The following CCR3 variants were observed in gnomAD, a reference collection of about 807,000 sequenced individuals.
The protein encoded by CCR3 is C-C motif chemokine receptor 3.
For synonymous variants in CCR3, 203 were observed against 179.2 expected (o/e 1.13, Z -1.06); for missense variants, 419 against 437.5 (o/e 0.96, Z 0.38).
At chr3:46,215,893 C>T (rs549130758) in intron 2 of CCR3, among the ~76,000 whole-genome samples, 259 of 152,308 alleles carry the variant, frequency 1.7e-3, no homozygotes, top group Non-Finnish European at 2.9e-3. Context: ...TAGGCTGCCC[C>T]TATAGATGGC....
chr3:46,254,391 A>G (rs1357002747), intron 1 of CCR3, among the ~76,000 whole-genome samples: 2 of 152,206 alleles, frequency 1.3e-5, no homozygotes, highest in African/African-American at 2.4e-5. Flanking sequence ...GGAGACATAG[A>G]TCTGAAAGTG....
intron 1 of CCR3, among the ~76,000 whole-genome samples, chr3:46,260,732 CACA>C (rs1700510010): frequency 6.6e-6 from 1 of 152,194 alleles, no homozygotes; most frequent in Middle Eastern, 3.2e-3. Context: ...TCTTGATAAA[CACA>C]ACATGAGGCA....
At chr3:46,249,929 G>C (rs1700273575) in intron 1 of CCR3, among the ~76,000 whole-genome samples, 1 of 152,074 alleles carries the variant, frequency 6.6e-6, no homozygotes, top group Non-Finnish European at 1.5e-5. Context: ...TCCTGTTGTG[G>C]GGTGTGAGGG....
At chr3:46,255,762 T>C (rs1700409685) in intron 1 of CCR3, among the ~76,000 whole-genome samples, 1 of 152,224 alleles carries the variant, frequency 6.6e-6, no homozygotes, top group East Asian at 1.9e-4. Context: ...TATATGCCTG[T>C]TCTTATTCCA....
intron 2 of CCR3, among the ~76,000 whole-genome samples, chr3:46,221,867 G>T (rs931053989): frequency 1.3e-5 from 2 of 152,128 alleles, no homozygotes; most frequent in African/African-American, 4.8e-5. Flanking sequence ...CCATGAAGGA[G>T]TGTGTCTGGG....
intron 2 of CCR3, among the ~76,000 whole-genome samples, chr3:46,223,334 T>A (rs1344022053): frequency 6.6e-6 from 1 of 151,706 alleles, no homozygotes; most frequent in African/African-American, 2.4e-5. Context: ...AGCAAGACTC[T>A]GTCTTGAAAA....
intron 1 of CCR3, chr3:46,263,379 A>AT (rs1350920000): frequency 1.9e-5 from 3 of 155,454 alleles, no homozygotes; most frequent in Non-Finnish European, 2.9e-5. Flanking sequence ...CAAAATGTGT[A>AT]TTTTTTTTCT....
chr3:46,223,376 G>A (rs1269558114), intron 2 of CCR3, among the ~76,000 whole-genome samples: 1 of 152,172 alleles, frequency 6.6e-6, no homozygotes, highest in African/African-American at 2.4e-5. Context: ...TCTCTTTTGA[G>A]TCTGGGCTTA....
intron 1 of CCR3, among the ~76,000 whole-genome samples, chr3:46,256,292 G>A (rs897666110): frequency 2.0e-5 from 3 of 152,090 alleles, no homozygotes; most frequent in Non-Finnish European, 4.4e-5. Flanking sequence ...GGGAAATCAG[G>A]ATGACTTCAG....
intron 1 of CCR3, among the ~76,000 whole-genome samples, chr3:46,252,900 G>A (rs368170566): frequency 1.3e-5 from 2 of 151,942 alleles, no homozygotes; most frequent in East Asian, 1.9e-4. Flanking sequence ...TAGGTTGGAG[G>A]GTTACATGAC....
At chr3:46,253,797 G>C (rs1700364265) in intron 1 of CCR3, among the ~76,000 whole-genome samples, 1 of 152,034 alleles carries the variant, frequency 6.6e-6, no homozygotes, top group African/African-American at 2.4e-5. Context: ...GCCCAGTGTG[G>C]GTAATCTAAA....
intron 1 of CCR3, among the ~76,000 whole-genome samples, chr3:46,242,837 T>A (rs550027744): frequency 1.3e-5 from 2 of 151,890 alleles, no homozygotes; most frequent in East Asian, 3.9e-4. Flanking sequence ...CATGTTACCC[T>A]CCTATACTTT....
At chr3:46,257,905 G>A (rs547260107) in intron 1 of CCR3, among the ~76,000 whole-genome samples, 1 of 152,322 alleles carries the variant, frequency 6.6e-6, no homozygotes, top group Non-Finnish European at 1.5e-5. Flanking sequence ...CCACTGAGTT[G>A]GGGGAGGTGG....
At chr3:46,224,686 G>A (rs1387268555) in intron 2 of CCR3, among the ~76,000 whole-genome samples, 8 of 140,646 alleles carry the variant, frequency 5.7e-5, no homozygotes, top group Non-Finnish European at 1.2e-4. Flanking sequence ...GCAGTGAGCC[G>A]AGATCATGCC....
intron 2 of CCR3, among the ~76,000 whole-genome samples, chr3:46,212,911 CT>C (rs1213673274): frequency 6.6e-6 from 1 of 152,108 alleles, no homozygotes; most frequent in Non-Finnish European, 1.5e-5. Flanking sequence ...TTTTAAACTT[CT>C]TAGGGGGGTA....
chr3:46,265,262 A>C lies in CCR3; in HGVS notation c.104A>C (p.Gln35Pro), dbSNP rs755740755. The change falls in exon 2 of 2, where the codon CAG (glutamine) becomes CCG (proline). Residue 35 changes from glutamine (Q) to proline (P), a missense_variant. By Grantham distance (76) the Gln-to-Pro change is moderately conservative (BLOSUM62 -1). Coordinates refer to ENST00000395940, the MANE Select transcript of CCR3 (RefSeq NM_178329.3). ...GCTGATACCAGAGCACTGATGGCCC[A>C]GTTTGTGCCCCCGCTGTACTCCCTG... Reference protein sequence around the residue: ...EKADTRALMAQFVPPLYSLVF... With the variant: ...EKADTRALMAPFVPPLYSLVF... 1 of 1,614,034 alleles carries C rather than the reference A, an allele frequency of 6.2e-7. No homozygotes were observed. Among genetic ancestry groups the C allele is most frequent in the Non-Finnish European group, 8.5e-7 (1 of 1,179,984 alleles).
intron 2 of CCR3, among the ~76,000 whole-genome samples, chr3:46,236,101 G>A (rs1229116939): frequency 1.3e-5 from 2 of 152,142 alleles, no homozygotes; most frequent in East Asian, 3.9e-4. Context: ...GACTGACTTG[G>A]GGAGTGGCTT....
intron 1 of CCR3, chr3:46,264,888 C>T: frequency 2.1e-6 from 1 of 470,582 alleles, no homozygotes; most frequent in Non-Finnish European, 3.7e-6. Flanking sequence ...AATCTGTATC[C>T]CCATTCTTCA....
upstream of CCR3, among the ~76,000 whole-genome samples, chr3:46,241,166 G>GCACTCTCTCTCT (rs111455051): frequency 6.7e-6 from 1 of 149,208 alleles, no homozygotes; most frequent in Admixed American, 6.7e-5. Flanking sequence ...ATGTGTGTGC[G>GCACTCTCTCTCT]CTCTCTCTCT....
Sources: allele counts gnomAD v4.1 joint callset (sites outside exome capture counted in the v4.1 genomes callset), GRCh38; gene constraint gnomAD v4.1.1; transcripts MANE v1.5; gene names NCBI Gene and HGNC (gene_info 2026-07-23, HGNC 2026-07-21).